MUC5AC: variants seen among roughly 807,000 people sequenced by gnomAD.
MUC5AC encodes the protein mucin-5AC.
Under a neutral mutation model 169.7 loss-of-function variants are expected in MUC5AC, and 158 were observed. The ratio of observed to expected loss-of-function variants is 0.93; its 90% CI spans 0.82 to 1.06. The LOEUF (loss-of-function observed/expected upper bound fraction) is 1.06, where lower values mean the gene tolerates loss of function less well. MUC5AC is among the 50% of genes least tolerant of loss of function. MUC5AC has a pLI of 0.00. For missense variants in MUC5AC, 4,359 were observed against 3,089.9 expected, an observed-to-expected ratio of 1.41 and a Z score of -9.74; for synonymous variants, 1,975 against 1,237.0, an observed-to-expected ratio of 1.60 and a Z score of -12.52.
intron 9 of MUC5AC, 101 bp downstream of exon 9, chr11:1,164,633 C>T (rs1860250985): frequency 1.0e-5 from 15 of 1,443,756 alleles, no homozygotes; most frequent in Non-Finnish European, 1.3e-5. Context: ...GTCCTAGTGT[C>T]CCGGGCCCCT....
intron 38 of MUC5AC, 21 bp from the exon 39 acceptor site, chr11:1,196,596 C>T (rs774982106): frequency 1.3e-6 from 1 of 761,358 alleles, no homozygotes; most frequent in Non-Finnish European, 2.4e-6. Flanking sequence ...AGGAGACCCA[C>T]CAACCCTATG....
Position 1,192,086 on chromosome 11 carries a change from C to T in MUC5AC, c.13941C>T (p.His4647=), listed in dbSNP as rs80058880. The change falls in exon 31 of 49, where the codon CAC becomes CAT. Residue 4647 remains histidine, a synonymous_variant. Coordinates refer to ENST00000621226, the MANE Select transcript of MUC5AC (RefSeq NM_001304359.2). ...TGGACTTCCCATCCCCTGGACCCCA[C>T]GGCGGGGACAAGGAAACCTACAACA... ...FDVDFPSPGP[H]GGDKETYNNI... The T allele has an allele frequency of 1.2e-4, 91 of 765,104 alleles. No individual in the cohort carries two copies. Among genetic ancestry groups the T allele is most frequent in the African/African-American group, 6.2e-4 (37 of 59,264 alleles). 47.4% of individuals were successfully genotyped at this position (765,104 alleles called of 1,614,324 possible). A position where few individuals can be genotyped will look rare whatever the true frequency, so the allele number is the denominator to read the frequency against.
At chr11:1,161,152 G>A (rs1860130178) in intron 2 of MUC5AC, among the ~76,000 whole-genome samples, 1 of 152,216 alleles carries the variant, frequency 6.6e-6, no homozygotes, top group African/African-American at 2.4e-5. Flanking sequence ...GGGGGCTTCA[G>A]GCAAACTCTC....
In MUC5AC at chr11:1,184,502, G is replaced by C. The variant is rs1860884216; in HGVS notation, c.6357G>C (p.Arg2119=). Residue 2119 remains arginine, a synonymous_variant, in exon 31 of 49, where the codon CGG becomes CGC. Transcript: ENST00000621226. ...TTPVTRNCHP[R]CTWTTWFDVD... ...CAGTCACCAGAAACTGTCATCCCCG[G>C]TGCACCTGGACAACGTGGTTCGACG... 1 of 646,840 alleles carries C rather than the reference G, an allele frequency of 1.5e-6. No individual in the cohort carries two copies. The highest frequency in any genetic ancestry group is 1.8e-5 in the South Asian group (1 of 54,954). 40.1% of individuals were successfully genotyped at this position (646,840 alleles called of 1,614,324 possible).
At chr11:1,177,366 C>T (rs1321493483) in intron 23 of MUC5AC, 22 bp downstream of exon 23, 4 of 425,738 alleles carry the variant, frequency 9.4e-6, no homozygotes, top group Middle Eastern at 3.4e-4. Context: ...TGGGTGGTCG[C>T]ATGCCCTCCA....
At chr11:1,176,432 GGT>G (rs1860691697) in intron 20 of MUC5AC, 80 bp from the exon 21 acceptor site, 1 of 398,768 alleles carries the variant, frequency 2.5e-6, no homozygotes, top group African/African-American at 2.1e-5. Context: ...CCTCCACTGT[GGT>G]GTGGGTGAGC....
intron 24 of MUC5AC, among the ~76,000 whole-genome samples, 158 bp from the exon 25 acceptor site, chr11:1,178,286 G>A (rs1425738728): frequency 6.6e-6 from 1 of 151,852 alleles, no homozygotes. Context: ...AGGTGGGAAG[G>A]AGGAAGCAGC....
At chr11:1,200,244 C>A (rs1424606122) in intron 48 of MUC5AC, among the ~76,000 whole-genome samples, 194 bp from the exon 49 acceptor site, 1 of 152,222 alleles carries the variant, frequency 6.6e-6, no homozygotes, top group Non-Finnish European at 1.5e-5. Context: ...CCCATCAGCA[C>A]GGAGCCGGGG....
rs573352734 is a variant in MUC5AC at position 1,200,053 on chromosome 11, C to T, written c.16700+84C>T. ...CCCAGGGCTCTAGGTGCCAGATAGACGAGGGGCAGGACCATGAGGGGCCAG... is the reference window on the plus strand; with the variant it reads ...CCCAGGGCTCTAGGTGCCAGATAGATGAGGGGCAGGACCATGAGGGGCCAG... On this transcript the variant is annotated intron_variant, in intron 48 of 48. Coordinates refer to ENST00000621226, the MANE Select transcript of MUC5AC (RefSeq NM_001304359.2). The T allele has an allele frequency of 1.4e-4, 89 of 644,750 alleles. No individual in the cohort carries two copies. In the East Asian group the frequency reaches 1.6e-3, roughly 12 times the overall value. The allele number at this position is 644,750 out of a possible 1,614,324, so 39.9% of individuals were successfully genotyped here. A position where few individuals can be genotyped will look rare whatever the true frequency, so the allele number is the denominator to read the frequency against.
intron 20 of MUC5AC, 117 bp downstream of exon 20, chr11:1,176,368 C>T: frequency 2.5e-6 from 1 of 398,696 alleles, no homozygotes; most frequent in South Asian, 1.3e-4. Context: ...TGGGCTGCCC[C>T]ACGTCCCAGA....
Position 1,194,176 on chromosome 11 carries a change from A to C in MUC5AC, c.14822A>C (p.Asp4941Ala). ...GACGGCACCTACTACACCTTCCTGG[A>C]CAACTGCACGTACGTGCTGGTGCAG... is the stretch of plus-strand genomic sequence containing the variant. ...TFDGTYYTFL[D>A]NCTYVLVQQI... The change falls in exon 34 of 49, where the codon GAC becomes GCC. Residue 4941 changes from aspartate (D) to alanine (A), a missense_variant. Transcript: ENST00000621226. The C allele has an allele frequency of 1.3e-6, 1 of 765,086 alleles. No individual in the cohort carries two copies. Among genetic ancestry groups the C allele is most frequent in the Non-Finnish European group, 2.4e-6 (1 of 417,866 alleles). The allele number at this position is 765,086 out of a possible 1,614,324, so 47.4% of individuals were successfully genotyped here. A position where few individuals can be genotyped will look rare whatever the true frequency, so the allele number is the denominator to read the frequency against.
At chr11:1,200,120 T>C (rs1193816759) in intron 48 of MUC5AC, among the ~76,000 whole-genome samples, 151 bp downstream of exon 48, 1 of 152,044 alleles carries the variant, frequency 6.6e-6, no homozygotes. Context: ...GGTCCTGAGA[T>C]GGCAAGGGTG....
intron 21 of MUC5AC, 30 bp from the exon 22 acceptor site, chr11:1,176,898 G>A: frequency 2.5e-6 from 1 of 398,786 alleles, no homozygotes; most frequent in East Asian, 3.6e-5. Context: ...CCCTGTGTGT[G>A]CTCTAGCCTG....
At chr11:1,165,457 CT>C in intron 10 of MUC5AC, 38 bp downstream of exon 10, 1 of 1,600,294 alleles carries the variant, frequency 6.2e-7, no homozygotes, top group Non-Finnish European at 8.5e-7. Flanking sequence ...CAAGGATGTG[CT>C]ATGGGACAGA....
In MUC5AC at chr11:1,180,533, G is replaced by A. The variant is rs1414598595; in HGVS notation, c.3776+17G>A. 2 of 398,788 alleles carry A rather than the reference G, an allele frequency of 5.0e-6. No individual in the cohort carries two copies. The highest frequency in any genetic ancestry group is 8.8e-6 in the Non-Finnish European group (2 of 226,146). 24.7% of individuals were successfully genotyped at this position (398,788 alleles called of 1,614,324 possible). A position where few individuals can be genotyped will look rare whatever the true frequency, so the allele number is the denominator to read the frequency against. On this transcript the variant is annotated intron_variant, in intron 28 of 48. Transcript: ENST00000621226. ...CCAGTCCTGGTGAGTCCTTTGGGGG[G>A]AGGAATATGGAGCCTGCAGCATGCA...
At chr11:1,164,569 C>T (rs753139787) in intron 9 of MUC5AC, 37 bp downstream of exon 9, 22 of 1,578,592 alleles carry the variant, frequency 1.4e-5, no homozygotes, top group Non-Finnish European at 1.9e-5. Context: ...ACAGGTGCAC[C>T]CCGACAACTA....
chr11:1,158,379 C>A (rs1860025782), intron 1 of MUC5AC, among the ~76,000 whole-genome samples: 1 of 152,214 alleles, frequency 6.6e-6, no homozygotes, highest in Non-Finnish European at 1.5e-5. Context: ...AAGCCGACAG[C>A]ACCTGGCCCA....
rs949734911 is a variant in MUC5AC at position 1,176,710 on chromosome 11, A to C, written c.2654+45A>C. The C allele has an allele frequency of 1.0e-5, 4 of 398,616 alleles. No individual in the cohort carries two copies. In the Admixed American group the frequency reaches 1.3e-4, roughly 13 times the overall value. 24.7% of individuals were successfully genotyped at this position (398,616 alleles called of 1,614,324 possible). A position where few individuals can be genotyped will look rare whatever the true frequency, so the allele number is the denominator to read the frequency against. ...CCCATGGGGGGTGTCAGGCCCAGGAAACCAGAGGCCCTCCTTAAAGACGGG... is the reference window on the plus strand; with the variant it reads ...CCCATGGGGGGTGTCAGGCCCAGGACACCAGAGGCCCTCCTTAAAGACGGG... On this transcript the variant is annotated intron_variant, in intron 21 of 48. Coordinates refer to ENST00000621226, the MANE Select transcript of MUC5AC (RefSeq NM_001304359.2).
Position 1,182,403 on chromosome 11 carries a change from G to C in MUC5AC, c.4258G>C (p.Val1420Leu). The change falls in exon 31 of 49, where the codon GTG becomes CTG. Residue 1420 changes from valine to leucine, a missense_variant. By Grantham distance (32) the Val-to-Leu change is conservative (BLOSUM62 1). Coordinates refer to ENST00000621226, the MANE Select transcript of MUC5AC (RefSeq NM_001304359.2). ...LENLRAHGYRVCESPRSVECR... is the reference protein window; with the variant it reads ...LENLRAHGYRLCESPRSVECR... ...GAACCTCCGCGCCCATGGGTACCGGGTGTGCGAATCACCCAGGTCGGTGGA... is the reference window on the plus strand; with the variant it reads ...GAACCTCCGCGCCCATGGGTACCGGCTGTGCGAATCACCCAGGTCGGTGGA... 2.5e-6 allele frequency: 1 copy of C among 398,614 alleles called. No homozygotes were observed. The highest frequency in any genetic ancestry group is 3.6e-5 in the East Asian group (1 of 28,070). 24.7% of individuals were successfully genotyped at this position (398,614 alleles called of 1,614,324 possible).
Sources: gnomAD v4.1 joint callset for allele counts (sites outside exome capture counted in the v4.1 genomes callset) on GRCh38, gnomAD v4.1.1 for gene constraint, MANE v1.5 for transcripts, NCBI Gene and HGNC (gene_info 2026-07-23, HGNC 2026-07-21) for gene names.